GK: variants seen among roughly 807,000 people sequenced by gnomAD.
The protein encoded by GK is glycerol kinase, also known as ATP:glycerol 3-phosphotransferase.
In GK, 9 loss-of-function variants were observed where a neutral mutation model predicts 56.4. The observed-to-expected ratio is 0.16, with a 90% confidence interval of 0.10 to 0.28. The LOEUF is 0.28. GK is among the 10% of genes least tolerant of loss of function. The pLI is 1.00. For missense variants in GK, 161 were observed against 431.4 expected, an observed-to-expected ratio of 0.37 and a Z score of 5.55; for synonymous variants, 104 against 144.1, an observed-to-expected ratio of 0.72 and a Z score of 1.99.
intron 11 of GK, among the ~76,000 whole-genome samples, chrX:30,707,287 G>A (rs1442384078): frequency 4.8e-5 from 5 of 103,485 alleles, no homozygotes; most frequent in African/African-American, 1.4e-4. Context: ...CCAAGATCGC[G>A]CCACTGCACT....
At chrX:30,712,012 T>A (rs1269214814) in intron 13 of GK, among the ~76,000 whole-genome samples, 1 of 112,312 alleles carries the variant, frequency 8.9e-6, no homozygotes, top group Non-Finnish European at 1.9e-5. Context: ...ATTAAAAATA[T>A]AAAAGAAAAG....
intron 5 of GK, among the ~76,000 whole-genome samples, 166 bp from the exon 6 acceptor site, chrX:30,694,234 T>C (rs1201518276): frequency 8.9e-6 from 1 of 112,319 alleles, no homozygotes; most frequent in Non-Finnish European, 1.9e-5. Context: ...TTCATGAACA[T>C]GCTTTCCTGT....
At chrX:30,700,766 T>G in intron 10 of GK, 72 bp from the exon 11 acceptor site, 1 of 553,358 alleles carries the variant, frequency 1.8e-6, no homozygotes, top group Non-Finnish European at 3.0e-6. Flanking sequence ...TGAAAAATCC[T>G]ATGGCTCTTC....
chrX:30,659,167 G>A (rs1932539325), intron 1 of GK, among the ~76,000 whole-genome samples: 1 of 111,155 alleles, frequency 9.0e-6, no homozygotes, highest in Non-Finnish European at 1.9e-5. Context: ...GAGTAGCTGG[G>A]ATTACAGGAA....
intron 11 of GK, among the ~76,000 whole-genome samples, chrX:30,704,128 T>TTATATATATATATA (rs752736589): frequency 0.15 from 11,004 of 74,428 alleles, 1,020 homozygotes; most frequent in East Asian, 0.21. Context: ...GTTATTCATT[T>TTATATATATATATA]TATATATATA....
intron 9 of GK, among the ~76,000 whole-genome samples, chrX:30,699,611 A>G (rs1167189969): frequency 9.1e-6 from 1 of 109,469 alleles, no homozygotes; most frequent in African/African-American, 3.3e-5. Context: ...TGATCCTCCC[A>G]CCTCGGCCTC....
chrX:30,699,976 G>T (rs1935556261), intron 9 of GK: 1 of 116,126 alleles, frequency 8.6e-6, no homozygotes, highest in African/African-American at 3.2e-5. Flanking sequence ...CAAAATAAAT[G>T]TGTTTCATAC....
chrX:30,707,135 CCTGA>C (rs930658231), intron 11 of GK, among the ~76,000 whole-genome samples: 1 of 111,121 alleles, frequency 9.0e-6, no homozygotes, highest in Admixed American at 9.6e-5. Flanking sequence ...TCAAGGCCAT[CCTGA>C]CTAACACGGT....
chrX:30,708,897 A>C (rs1224811066), intron 13 of GK, among the ~76,000 whole-genome samples: 1 of 112,012 alleles, frequency 8.9e-6, no homozygotes, highest in Admixed American at 9.5e-5. Flanking sequence ...TCACAAGTTA[A>C]AGACTTCTAG....
chrX:30,700,955 C>A, intron 11 of GK, 50 bp downstream of exon 11: 1 of 819,950 alleles, frequency 1.2e-6, no homozygotes, highest in Non-Finnish European at 1.9e-6. Flanking sequence ...GTTTTTTCTA[C>A]TTGGTGCTTT....
At chrX:30,654,183 A>G (rs1332104425) in intron 1 of GK, among the ~76,000 whole-genome samples, 1 of 112,615 alleles carries the variant, frequency 8.9e-6, no homozygotes, top group Non-Finnish European at 1.9e-5. Context: ...CAGTCACACT[A>G]CACTGGTTTT....
At chrX:30,686,538 G>A (rs752065549) in intron 4 of GK, among the ~76,000 whole-genome samples, 1 of 109,760 alleles carries the variant, frequency 9.1e-6, no homozygotes, top group South Asian at 3.9e-4. Flanking sequence ...TTTTAGTGGG[G>A]TTTTTTTTTA....
At chrX:30,705,717 G>A (rs1313099774) in intron 11 of GK, among the ~76,000 whole-genome samples, 1 of 112,841 alleles carries the variant, frequency 8.9e-6, no homozygotes, top group Non-Finnish European at 1.9e-5. Context: ...TGATGACTGG[G>A]AAGAAAGAAC....
intron 1 of GK, 125 bp downstream of exon 1, chrX:30,653,740 G>C (rs1434778640): frequency 2.6e-5 from 17 of 661,630 alleles, no homozygotes. Flanking sequence ...GGGCAAGGAG[G>C]GAGGCCGGAA....
Position 30,694,522 on chromosome X carries a change from T to C in GK, c.537T>C (p.Asp179=). The stretch of plus-strand genomic sequence containing the variant: ...AACGAGCTCTTTTTGGGACTATTGA[T>C]TCATGGCTTATTTGGGTATGTTTAA... ...EEKRALFGTI[D]SWLIWSLTGG... is the part of the protein sequence containing the mutation. The change falls in exon 6 of 21, where the codon GAT becomes GAC. Residue 179 remains aspartate, a synonymous_variant. Transcript: ENST00000427190. 8.3e-7 allele frequency: 1 copy of C among 1,206,604 alleles called. No homozygotes were observed. The highest frequency in any genetic ancestry group is 1.1e-6 in the Non-Finnish European group (1 of 890,763).
At position 30,730,730 on chromosome X, in the gene GK, G is replaced by A. The variant is rs1326810292; in HGVS notation, c.*1988G>A. 4 of 109,906 alleles carry A rather than the reference G, an allele frequency of 3.6e-5. No homozygotes were observed. Among genetic ancestry groups the A allele is most frequent in the Non-Finnish European group, 7.6e-5 (4 of 52,769 alleles). 9.1% of individuals were successfully genotyped at this position (109,906 alleles called of 1,213,427 possible). On this transcript the variant is annotated 3_prime_UTR_variant, in exon 21 of 21. Coordinates refer to ENST00000427190, the MANE Select transcript of GK (RefSeq NM_001205019.2). Reference sequence around the variant, plus strand: ...GCACTTTGGGAGGCCGAGGTGGGCAGATCACCTGAGGTCAGGAGTTCGGGA... The same window carrying A: ...GCACTTTGGGAGGCCGAGGTGGGCAAATCACCTGAGGTCAGGAGTTCGGGA...
At chrX:30,660,532 T>C (rs1042787939) in intron 1 of GK, among the ~76,000 whole-genome samples, 3 of 111,379 alleles carry the variant, frequency 2.7e-5, no homozygotes, top group African/African-American at 9.8e-5. Context: ...GCAACAATGA[T>C]AGTGTTGACA....
At chrX:30,694,181 C>T (rs986097340) in intron 5 of GK, among the ~76,000 whole-genome samples, 7 of 111,853 alleles carry the variant, frequency 6.3e-5, no homozygotes, top group African/African-American at 2.0e-4. Context: ...TACCTTGCTA[C>T]GTGGATGCCC....
At chrX:30,656,178 G>T (rs1932265463) in intron 1 of GK, among the ~76,000 whole-genome samples, 1 of 111,769 alleles carries the variant, frequency 8.9e-6, no homozygotes, top group Admixed American at 9.6e-5. Context: ...GCAGATAAAA[G>T]ATTTGCTGAA....
Sources: allele counts gnomAD v4.1 joint callset (sites outside exome capture counted in the v4.1 genomes callset), GRCh38; gene constraint gnomAD v4.1.1; transcripts MANE v1.5; gene names NCBI Gene and HGNC (gene_info 2026-07-23, HGNC 2026-07-21).